Variants in MGMT observed in about 807,000 individuals in gnomAD.
The protein encoded by MGMT is O-6-methylguanine-DNA methyltransferase.
In MGMT, 14 loss-of-function variants were observed where a neutral mutation model predicts 15.9. The observed-to-expected ratio is 0.88, with a 90% CI of 0.58 to 1.37. The LOEUF (loss-of-function observed/expected upper bound fraction) is 1.37, where lower values mean the gene tolerates loss of function less well. MGMT is among the 40% of genes most tolerant of loss of function. The pLI is 0.00. For synonymous variants in MGMT, 130 were observed against 118.2 expected (o/e 1.10, Z -0.65); for missense variants, 282 against 268.1 (o/e 1.05, Z -0.36).
chr10:129,726,030 G>T (rs1404127131), intron 3 of MGMT, among the ~76,000 whole-genome samples: 4 of 152,040 alleles, frequency 2.6e-5, no homozygotes, highest in Non-Finnish European at 5.9e-5. Flanking sequence ...AGTGTGTTCT[G>T]TCACACAGCC....
At chr10:129,482,877 G>A (rs1845372926) in intron 1 of MGMT, among the ~76,000 whole-genome samples, 1 of 152,126 alleles carries the variant, frequency 6.6e-6, no homozygotes, top group Non-Finnish European at 1.5e-5. Flanking sequence ...GGAGTATTTA[G>A]ACCATTTACA....
intron 2 of MGMT, among the ~76,000 whole-genome samples, chr10:129,706,773 A>G (rs1848168277): frequency 6.6e-6 from 1 of 152,122 alleles, no homozygotes; most frequent in Admixed American, 6.5e-5. Flanking sequence ...CTTCAGGGCC[A>G]TGTCCTCAGT....
chr10:129,474,033 A>G (rs1409053940), intron 1 of MGMT, among the ~76,000 whole-genome samples: 1 of 152,214 alleles, frequency 6.6e-6, no homozygotes, highest in African/African-American at 2.4e-5. Flanking sequence ...GGTTTCTCCA[A>G]GTGGCCCAAG....
At chr10:129,587,525 C>T (rs774408273) in intron 2 of MGMT, among the ~76,000 whole-genome samples, 2 of 150,010 alleles carry the variant, frequency 1.3e-5, no homozygotes, top group Non-Finnish European at 3.0e-5. Flanking sequence ...GAGTCTTGTT[C>T]TGTCACCAGG....
At chr10:129,623,350 G>A (rs1847111521) in intron 2 of MGMT, among the ~76,000 whole-genome samples, 1 of 152,128 alleles carries the variant, frequency 6.6e-6, no homozygotes, top group Admixed American at 6.5e-5. Flanking sequence ...CCAAGTGGTA[G>A]GAAGGAGGCT....
intron 1 of MGMT, among the ~76,000 whole-genome samples, chr10:129,474,225 TTG>T (rs989607507): frequency 1.3e-5 from 2 of 152,146 alleles, no homozygotes; most frequent in Non-Finnish European, 1.5e-5. Context: ...CTTGGGAGTC[TTG>T]TGAGTGGGGA....
chr10:129,506,521 T>C (rs983319346), intron 1 of MGMT, among the ~76,000 whole-genome samples: 19 of 152,100 alleles, frequency 1.2e-4, no homozygotes, highest in African/African-American at 4.6e-4. Flanking sequence ...TCTCACTGGC[T>C]CCAGATTGTT....
chr10:129,468,554 A>G (rs187848545), intron 1 of MGMT, among the ~76,000 whole-genome samples: 99 of 151,882 alleles, frequency 6.5e-4, no homozygotes, highest in African/African-American at 2.4e-3. Flanking sequence ...ACGGAGCTAT[A>G]CTCAGGTACT....
chr10:129,555,517 C>A (rs1280006258), intron 2 of MGMT, among the ~76,000 whole-genome samples: 1 of 151,950 alleles, frequency 6.6e-6, no homozygotes, highest in African/African-American at 2.4e-5. Context: ...TTGAGAACAG[C>A]CTGGGCAACA....
chr10:129,677,668 C>G (rs551321716), intron 2 of MGMT, among the ~76,000 whole-genome samples: 1 of 152,258 alleles, frequency 6.6e-6, no homozygotes, highest in East Asian at 1.9e-4. Flanking sequence ...TGCTCTAACA[C>G]TAGTCAGGGC....
chr10:129,560,424 A>G (rs774654158), intron 2 of MGMT, among the ~76,000 whole-genome samples: 28 of 152,260 alleles, frequency 1.8e-4, no homozygotes, highest in Non-Finnish European at 3.7e-4. Flanking sequence ...AAGCGAATGA[A>G]TGGACATTTC....
At chr10:129,695,905 G>A (rs1848025950) in intron 2 of MGMT, among the ~76,000 whole-genome samples, 1 of 152,150 alleles carries the variant, frequency 6.6e-6, no homozygotes, top group African/African-American at 2.4e-5. Flanking sequence ...ATGGGGGAGG[G>A]GCGGGCTGTT....
At chr10:129,487,396 T>G (rs2119647934) in intron 1 of MGMT, among the ~76,000 whole-genome samples, 1 of 152,178 alleles carries the variant, frequency 6.6e-6, no homozygotes, top group South Asian at 2.1e-4. Flanking sequence ...CTTGCACAGT[T>G]TTGGATTACA....
At chr10:129,749,637 C>T (rs943018888) in intron 3 of MGMT, among the ~76,000 whole-genome samples, 3 of 152,096 alleles carry the variant, frequency 2.0e-5, no homozygotes, top group African/African-American at 7.2e-5. Context: ...GAGTAAATAC[C>T]TAGGTGTGCA....
chr10:129,547,939 G>A (rs955195857), intron 2 of MGMT, among the ~76,000 whole-genome samples: 66 of 152,364 alleles, frequency 4.3e-4, no homozygotes, highest in Non-Finnish European at 6.3e-4. Flanking sequence ...AGAAGCTGAT[G>A]TGTCGTCCGG....
chr10:129,639,177 G>T (rs943178775), intron 2 of MGMT, among the ~76,000 whole-genome samples: 6 of 151,950 alleles, frequency 3.9e-5, no homozygotes, highest in Non-Finnish European at 8.8e-5. Flanking sequence ...AAAAAACCAT[G>T]AATTGTTTGT....
chr10:129,573,910 A>C (rs560589517), intron 2 of MGMT, among the ~76,000 whole-genome samples: 1 of 152,362 alleles, frequency 6.6e-6, no homozygotes, highest in Admixed American at 6.5e-5. Flanking sequence ...ACTTTGTGAG[A>C]ATTGAATTTT....
At chr10:129,724,665 A>C (rs1848411615) in intron 3 of MGMT, among the ~76,000 whole-genome samples, 1 of 152,156 alleles carries the variant, frequency 6.6e-6, no homozygotes, top group Non-Finnish European at 1.5e-5. Flanking sequence ...AGCAAAAATA[A>C]TAATAAAATG....
At chr10:129,585,126 C>T (rs73386954) in intron 2 of MGMT, among the ~76,000 whole-genome samples, 4,948 of 152,234 alleles carry the variant, frequency 0.033, 190 homozygotes, top group African/African-American at 0.093. Context: ...TTCATATACT[C>T]ACCAACACTT....
Sources: gnomAD v4.1 joint callset for allele counts (sites outside exome capture counted in the v4.1 genomes callset) on GRCh38, gnomAD v4.1.1 for gene constraint, MANE v1.5 for transcripts, NCBI Gene and HGNC (gene_info 2026-07-23, HGNC 2026-07-21) for gene names.